Variants in DLGAP5 observed in about 807,000 individuals in gnomAD.
DLGAP5 encodes the protein DLG associated protein 5.
A neutral mutation model predicts 99.6 loss-of-function variants in DLGAP5; 90 were observed. That is an observed-to-expected ratio of 0.90 (90% CI 0.76 to 1.08). DLGAP5 has a LOEUF of 1.08. Ranked by LOEUF, DLGAP5 falls within the 50% of genes least tolerant of loss-of-function variation. The probability of loss-of-function intolerance (pLI) is 0.00; values close to 1 mark genes in which losing one functional copy is unlikely to be tolerated. For synonymous variants in DLGAP5, 311 were observed against 321.3 expected (o/e 0.97, Z 0.34); for missense variants, 1,036 against 983.5 (o/e 1.05, Z -0.71).
At chr14:55,171,758 T>C (rs1017554949) in intron 10 of DLGAP5, among the ~76,000 whole-genome samples, 20 of 152,322 alleles carry the variant, frequency 1.3e-4, no homozygotes, top group African/African-American at 4.6e-4. Context: ...ATGTGGTATA[T>C]ACATACAATG....
At chr14:55,180,442 T>C (rs551128908) in intron 6 of DLGAP5, among the ~76,000 whole-genome samples, 34 of 152,208 alleles carry the variant, frequency 2.2e-4, no homozygotes, top group Non-Finnish European at 4.3e-4. Flanking sequence ...TTTTTCACTT[T>C]GAAACACTGC....
chr14:55,182,761 T>TA (rs974064971), intron 3 of DLGAP5, among the ~76,000 whole-genome samples: 16 of 152,312 alleles, frequency 1.1e-4, no homozygotes, highest in African/African-American at 3.6e-4. Context: ...TCTGCCTACC[T>TA]AAAAGTGCTC....
At chr14:55,161,601 G>C (rs1455183962) in intron 13 of DLGAP5, among the ~76,000 whole-genome samples, 1 of 150,600 alleles carries the variant, frequency 6.6e-6, no homozygotes, top group Non-Finnish European at 1.5e-5. Flanking sequence ...GTAGAGACGG[G>C]GTTTCTCCAC....
chr14:55,168,753 G>A (rs370873421), intron 12 of DLGAP5, among the ~76,000 whole-genome samples: 10 of 151,964 alleles, frequency 6.6e-5, no homozygotes, highest in Admixed American at 1.3e-4. Context: ...AATACAATAC[G>A]GGCACACAAC....
At chr14:55,169,257 C>A in intron 12 of DLGAP5, 142 bp downstream of exon 12, 4 of 374,044 alleles carry the variant, frequency 1.1e-5, no homozygotes, top group Non-Finnish European at 1.8e-5. Context: ...TCATGTTTTA[C>A]AGTTTATCAA....
Position 55,183,726 on chromosome 14 carries a change from T to G in DLGAP5, c.266A>C (p.Gln89Pro), listed in dbSNP as rs756699654. 3.7e-6 allele frequency: 6 copies of G among 1,604,364 alleles called. No homozygotes were observed. The South Asian group carries it at 4.5e-5, about 12-fold the overall frequency. Residue 89 changes from glutamine to proline, a missense_variant, in exon 3 of 19, where the codon CAA becomes CCA. Coordinates refer to ENST00000247191, the MANE Select transcript of DLGAP5 (RefSeq NM_014750.5). Reference sequence around the variant, plus strand: ...GTATTTTTGGAGCATCTGTTTTCGTTGATCACCTAGAATAGTTTTCATTGC... The same window carrying G: ...GTATTTTTGGAGCATCTGTTTTCGTGGATCACCTAGAATAGTTTTCATTGC... The part of the protein sequence containing the change: ...PRAMKTILGD[Q>P]RKQMLQKYKE...
intron 7 of DLGAP5, 46 bp downstream of exon 7, chr14:55,179,583 T>C: frequency 8.0e-6 from 12 of 1,495,228 alleles, no homozygotes; most frequent in Non-Finnish European, 1.1e-5. Flanking sequence ...AAAGTAGCAA[T>C]GAGATTTTCA....
Position 55,189,150 on chromosome 14 carries a change from G to A in DLGAP5, c.30C>T (p.His10=). The change falls in exon 2 of 19, where the codon CAC becomes CAT. Residue 10 remains histidine (H), a synonymous_variant. Coordinates refer to ENST00000247191, the MANE Select transcript of DLGAP5 (RefSeq NM_014750.5). MSSSHFASR[H]RKDISTEMIR... is the part of the protein sequence containing the mutation. ...TCATTTCAGTACTTATATCCTTCCT[G>A]TGTCGACTGGCAAAATGTGATGAAG... is the stretch of plus-strand genomic sequence containing the variant. 6.2e-7 allele frequency: 1 copy of A among 1,613,274 alleles called. No individual in the cohort carries two copies. The highest frequency in any genetic ancestry group is 8.5e-7 in the Non-Finnish European group (1 of 1,179,766).
intron 12 of DLGAP5, among the ~76,000 whole-genome samples, chr14:55,167,292 T>C (rs1051508923): frequency 2.0e-5 from 3 of 149,684 alleles, no homozygotes; most frequent in Non-Finnish European, 4.4e-5. Flanking sequence ...TGTAAACATA[T>C]CATACTTTTA....
chr14:55,172,254 G>C (rs2140319527), intron 10 of DLGAP5, among the ~76,000 whole-genome samples: 1 of 150,332 alleles, frequency 6.7e-6, no homozygotes, highest in African/African-American at 2.4e-5. Flanking sequence ...TTGTGAGGCT[G>C]AGGCAGGCAG....
rs1263424113 is a variant in DLGAP5 at position 55,177,354 on chromosome 14, A to G, written c.775-18T>C. 4 of 1,555,848 alleles carry G rather than the reference A, an allele frequency of 2.6e-6. No homozygotes were observed. The highest frequency in any genetic ancestry group is 2.3e-5 in the East Asian group (1 of 44,208). ...GAAATACCCTAGGATGTGAGTTAAC[A>G]AAGTAGAGTAAGATTTCTCTCTTCT... On this transcript the variant is annotated intron_variant, in intron 7 of 18. Coordinates refer to ENST00000247191, the MANE Select transcript of DLGAP5 (RefSeq NM_014750.5).
At chr14:55,189,941 G>C (rs1041259170) in intron 1 of DLGAP5, among the ~76,000 whole-genome samples, 2 of 152,068 alleles carry the variant, frequency 1.3e-5, no homozygotes, top group African/African-American at 4.8e-5. Context: ...ATCCTGCCTT[G>C]GTCTGTCTAG....
At chr14:55,182,957 A>C (rs1745274314) in intron 3 of DLGAP5, among the ~76,000 whole-genome samples, 1 of 152,170 alleles carries the variant, frequency 6.6e-6, no homozygotes, top group African/African-American at 2.4e-5. Flanking sequence ...AAGATTTTTA[A>C]AAAGGTTATT....
chr14:55,172,837 C>G (rs1490684195), intron 10 of DLGAP5, among the ~76,000 whole-genome samples: 3 of 151,612 alleles, frequency 2.0e-5, no homozygotes, highest in Non-Finnish European at 4.4e-5. Context: ...TAAACATTAG[C>G]TGGGTGTGGT....
Position 55,170,739 on chromosome 14 carries a change from C to T in DLGAP5, c.1350G>A (p.Glu450=), listed in dbSNP as rs1274364167. ...TGTCCAATTCAAGTTTCCTGTCCCA[C>T]TCGAAGCAATGTGAAGTTAATTTCT... is the stretch of plus-strand genomic sequence containing the variant. The part of the protein sequence containing the change: ...ETEKLTSHCF[E]WDRKLELDIP... The change falls in exon 11 of 19, where the codon GAG becomes GAA. Residue 450 remains glutamate, a synonymous_variant. Coordinates refer to ENST00000247191, the MANE Select transcript of DLGAP5 (RefSeq NM_014750.5). The T allele has an allele frequency of 6.2e-7, 1 of 1,613,748 alleles. No individual in the cohort carries two copies.
intron 15 of DLGAP5, among the ~76,000 whole-genome samples, chr14:55,152,957 A>G (rs1018141677): frequency 6.6e-6 from 1 of 152,226 alleles, no homozygotes; most frequent in African/African-American, 2.4e-5. Flanking sequence ...ATTAAAGAAA[A>G]GTCAAAAAGA....
chr14:55,169,655 G>A, intron 11 of DLGAP5, 96 bp from the exon 12 acceptor site: 2 of 1,092,152 alleles, frequency 1.8e-6, no homozygotes, highest in Admixed American at 3.5e-5. Flanking sequence ...AACATCCTAG[G>A]GCCTACAGGT....
rs199602389 is a variant in DLGAP5, at chr14:55,170,172, ACT to A, written c.1387+528_1387+529del. Among the ~76,000 whole-genome samples the A allele has an allele frequency of 7.8e-3, 1,188 of 151,648 alleles. 14 individuals carry two copies. The highest frequency in any genetic ancestry group is 0.027 in the African/African-American group (1,101 of 41,374). ...ATAATAAATAAATTAAAAAAAAAAA[ACT>A]CAACGTCAAACAACTCACTGCAAAT... On this transcript the variant is annotated intron_variant, in intron 11 of 18. Transcript: ENST00000247191.
intron 1 of DLGAP5, chr14:55,191,203 T>C (rs1347020999): frequency 1.3e-5 from 2 of 152,192 alleles, no homozygotes; most frequent in Non-Finnish European, 2.9e-5. Flanking sequence ...GAATTTAATG[T>C]CGGAGCTAGT....
Sources: allele counts gnomAD v4.1 joint callset (sites outside exome capture counted in the v4.1 genomes callset), GRCh38; gene constraint gnomAD v4.1.1; transcripts MANE v1.5; gene names NCBI Gene and HGNC (gene_info 2026-07-23, HGNC 2026-07-21).